The following RELN variants were observed in gnomAD, a reference collection of about 807,000 sequenced individuals.
The protein encoded by RELN is reelin.
RELN carries 108 observed loss-of-function variants against 427.6 expected under a neutral mutation model. The observed-to-expected ratio is 0.25, with a 90% CI of 0.22 to 0.30. The LOEUF (loss-of-function observed/expected upper bound fraction) is 0.30. RELN is among the 10% of genes least tolerant of loss of function. The pLI, the probability that RELN is intolerant of heterozygous loss-of-function variation, is 1.00. For missense variants in RELN, 3,715 were observed against 4,302.8 expected (o/e 0.86, Z 3.82); for synonymous variants, 1,524 against 1,513.4 (o/e 1.01, Z -0.16).
chr7:103,718,713 C>T (rs2115885856), intron 8 of RELN, among the ~76,000 whole-genome samples: 1 of 152,200 alleles, frequency 6.6e-6, no homozygotes, highest in African/African-American at 2.4e-5. Flanking sequence ...TATTTATGAG[C>T]ATCTATTTAT....
chr7:103,754,618 C>A lies in RELN; in HGVS notation c.545-1404G>T, dbSNP rs568998194. ...TAGGAGACCTCGTCTCTAAAAAAAA[C>A]ATTAAAAATTAGCTGGGCATGGTGG... On this transcript the variant is annotated intron_variant, in intron 4 of 64. Transcript: ENST00000428762. Among the ~76,000 whole-genome samples the A allele has an allele frequency of 2.0e-4, 30 of 146,668 alleles. No homozygotes were observed. In the South Asian group the frequency reaches 6.6e-3, roughly 32 times the overall value.
At chr7:103,759,355 T>G (rs1791239104) in intron 4 of RELN, among the ~76,000 whole-genome samples, 1 of 152,182 alleles carries the variant, frequency 6.6e-6, no homozygotes, top group Non-Finnish European at 1.5e-5. Flanking sequence ...AAGGCTTGAT[T>G]GAGCCTAACA....
rs34125550 is a variant in RELN, at chr7:103,561,959, C to CAA, written c.5211-8_5211-7dup. ...TGAACCGGGTCCTGGGAGAACTAAC[C>CAA]AAAAAAAAAAAAAAAAAAACACACC... On this transcript the variant is annotated splice_region_variant and splice_polypyrimidine_tract_variant and intron_variant, in intron 34 of 64. Transcript: ENST00000428762. The CAA allele has an allele frequency of 0.014, 18,007 of 1,293,860 alleles. 15 individuals are homozygous for CAA. The highest frequency in any genetic ancestry group is 0.017 in the South Asian group (1,088 of 64,860). 80.1% of individuals were successfully genotyped at this position (1,293,860 alleles called of 1,614,324 possible).
intron 23 of RELN, 68 bp downstream of exon 23, chr7:103,604,278 T>C (rs117632882): frequency 5.0e-6 from 8 of 1,586,680 alleles, no homozygotes; most frequent in Non-Finnish European, 6.9e-6. Context: ...TGATGACAAC[T>C]GCTGTGGTAT....
intron 2 of RELN, among the ~76,000 whole-genome samples, chr7:103,911,708 C>A (rs1795370388): frequency 6.9e-6 from 1 of 144,294 alleles, no homozygotes; most frequent in Admixed American, 7.0e-5. Context: ...TTTGTAGGGA[C>A]ATGGATGAAA....
At chr7:103,491,814 A>G in intron 58 of RELN, 139 bp downstream of exon 58, 1 of 689,760 alleles carries the variant, frequency 1.4e-6, no homozygotes, top group Non-Finnish European at 2.6e-6. Flanking sequence ...GGGCAACAAG[A>G]GCGAAACTGT....
chr7:103,921,610 A>G (rs1795619107), intron 1 of RELN, among the ~76,000 whole-genome samples: 2 of 152,202 alleles, frequency 1.3e-5, no homozygotes, highest in Non-Finnish European at 2.9e-5. Context: ...AAGCAAATGC[A>G]TCTTAGATCA....
chr7:103,956,266 T>G (rs1412016572), intron 1 of RELN, among the ~76,000 whole-genome samples: 2 of 152,194 alleles, frequency 1.3e-5, no homozygotes, highest in Admixed American at 6.5e-5. Flanking sequence ...GAGTCTCTCT[T>G]CTTTCTAGAA....
intron 1 of RELN, among the ~76,000 whole-genome samples, chr7:103,961,373 C>T (rs1796550050): frequency 6.6e-6 from 1 of 151,862 alleles, no homozygotes; most frequent in South Asian, 2.1e-4. Context: ...GCTCAGAAAT[C>T]AAAAGACTGA....
chr7:103,605,659 G>T (rs1230187154), intron 22 of RELN, among the ~76,000 whole-genome samples: 1 of 152,210 alleles, frequency 6.6e-6, no homozygotes, highest in Admixed American at 6.5e-5. Context: ...TGTATGCTCA[G>T]TTCCACTGAA....
rs1207623619 is a variant in RELN, at chr7:103,486,284, G to C, written c.9896C>G (p.Ala3299Gly). Residue 3299 changes from alanine (A) to glycine (G), a missense_variant, in exon 61 of 65, where the codon GCC becomes GGC. Ala to Gly is a moderately conservative substitution (Grantham distance 60). This residue lies in a region of RELN where 195 missense variants were observed against 281.3 expected (regional missense o/e 0.69). Coordinates refer to ENST00000428762, the MANE Select transcript of RELN (RefSeq NM_005045.4). ...CAGTGAGTCTCCATGGGCGTAGGGG[G>C]CCAGCTGCCCACAGCCACTTCCTAT... ...GVIGSGCGQL[A>G]PYAHGDSLYF... 1 of 1,614,150 alleles carries C rather than the reference G, an allele frequency of 6.2e-7. No homozygotes were observed. The highest frequency in any genetic ancestry group is 8.5e-7 in the Non-Finnish European group (1 of 1,180,004).
intron 20 of RELN, among the ~76,000 whole-genome samples, chr7:103,619,397 C>T (rs547647137): frequency 2.4e-3 from 368 of 152,304 alleles, no homozygotes; most frequent in Non-Finnish European, 3.7e-3. Flanking sequence ...TCCTCCACCC[C>T]TTCTGTTGAA....
intron 34 of RELN, among the ~76,000 whole-genome samples, chr7:103,564,510 G>A (rs1026814993): frequency 6.6e-6 from 1 of 152,174 alleles, no homozygotes; most frequent in African/African-American, 2.4e-5. Flanking sequence ...GCCACCCAGG[G>A]GAGCTAGAGC....
intron 1 of RELN, among the ~76,000 whole-genome samples, chr7:103,941,730 T>C (rs1053280256): frequency 2.3e-4 from 35 of 152,208 alleles, no homozygotes; most frequent in African/African-American, 8.4e-4. Flanking sequence ...ACAATGAACA[T>C]TTGTTTACTA....
Position 103,832,644 on chromosome 7 carries a change from C to T in RELN, c.473+893G>A, listed in dbSNP as rs368047588. 1.4e-4 allele frequency among the ~76,000 whole-genome samples: 21 copies of T among 152,234 alleles called. 1 individual carries two copies. The highest frequency in any genetic ancestry group is 5.1e-4 in the African/African-American group (21 of 41,558). Reference sequence around the variant, plus strand: ...GGGTAGGGGTTAGGGGTATAGTCCACATCAACAGATGTTACAGTCACAGCC... The same window carrying T: ...GGGTAGGGGTTAGGGGTATAGTCCATATCAACAGATGTTACAGTCACAGCC... On this transcript the variant is annotated intron_variant, in intron 3 of 64. Coordinates refer to ENST00000428762, the MANE Select transcript of RELN (RefSeq NM_005045.4).
intron 2 of RELN, among the ~76,000 whole-genome samples, chr7:103,872,437 C>A (rs1295865371): frequency 3.7e-5 from 5 of 134,828 alleles, no homozygotes; most frequent in African/African-American, 1.3e-4. Flanking sequence ...TGTATATGTG[C>A]CACATTTTCT....
intron 3 of RELN, among the ~76,000 whole-genome samples, chr7:103,787,892 T>G (rs1407406257): frequency 6.6e-6 from 1 of 152,064 alleles, no homozygotes; most frequent in African/African-American, 2.4e-5. Context: ...AAAAGAAAAT[T>G]TCAGGCCAAT....
intron 10 of RELN, among the ~76,000 whole-genome samples, chr7:103,697,518 G>T (rs2115778179): frequency 6.6e-6 from 1 of 152,124 alleles, no homozygotes; most frequent in South Asian, 2.1e-4. Context: ...TTTCGTATTT[G>T]TATGCTGACA....
Position 103,907,414 on chromosome 7 carries a change from G to GAAAAAAAAAAAAAAAAAAAAAAAAAA in RELN, c.337+9660_337+9661insTTTTTTTTTTTTTTTTTTTTTTTTTT, listed in dbSNP as rs1795234328. ...GCCTGGGCAACAAGATCAAGGCTCT[G>GAAAAAAAAAAAAAAAAAAAAAAAAAA]GAAAAAAAAAAAAAAAAAAAAAAAA... On this transcript the variant is annotated intron_variant, in intron 2 of 64. Transcript: ENST00000428762. 7.6e-5 allele frequency among the ~76,000 whole-genome samples: 3 copies of GAAAAAAAAAAAAAAAAAAAAAAAAAA among 39,690 alleles called. 1 individual carries two copies. Among genetic ancestry groups the GAAAAAAAAAAAAAAAAAAAAAAAAAA allele is most frequent in the Non-Finnish European group, 4.2e-5 (1 of 23,706 alleles). The allele number at this position is 39,690 out of a possible 152,430, so 26.0% of individuals were successfully genotyped here.
Sources: allele counts gnomAD v4.1 joint callset (sites outside exome capture counted in the v4.1 genomes callset), GRCh38; gene constraint gnomAD v4.1.1; regional missense constraint gnomAD v4.1.1; transcripts MANE v1.5; gene names NCBI Gene and HGNC (gene_info 2026-07-23, HGNC 2026-07-21).